Variants in DDR2 observed in about 807,000 individuals in gnomAD.
DDR2 encodes the protein discoidin domain-containing receptor 2.
In DDR2, 27 loss-of-function variants were observed where a neutral mutation model predicts 94.9. That is an observed-to-expected ratio of 0.28 (90% confidence interval 0.21 to 0.39). The LOEUF (loss-of-function observed/expected upper bound fraction) is 0.39. Ranked by LOEUF, DDR2 falls within the 10% of genes least tolerant of loss-of-function variation. DDR2 has a pLI of 1.00. For synonymous variants in DDR2, 382 were observed against 377.2 expected (o/e 1.01, Z -0.15); for missense variants, 783 against 1,076.0 (o/e 0.73, Z 3.81).
chr1:162,631,547 A>C (rs1235435769), upstream of DDR2: 1 of 152,022 alleles, frequency 6.6e-6, no homozygotes, highest in East Asian at 1.9e-4. Flanking sequence ...ATACTCACGG[A>C]GAATCAGGAC....
rs773104051 is a variant in DDR2 at position 162,770,319 on chromosome 1, G to T, written c.1311G>T (p.Leu437=). Residue 437 remains leucine (L), a synonymous_variant, in exon 12 of 18, where the codon CTG becomes CTT. Transcript: ENST00000367921. ...KMLEKASRRM[L]DDEMTVSLSL... The stretch of plus-strand genomic sequence containing the variant: ...TCTTCCAGGCTTCTCGGAGGATGCT[G>T]GATGATGAAATGACAGTCAGCCTTT... The T allele has an allele frequency of 1.9e-6, 3 of 1,614,010 alleles. No homozygotes were observed. The Admixed American group carries it at 5.0e-5, about 27-fold the overall frequency.
chr1:162,745,402 T>C (rs557763027), intron 3 of DDR2, among the ~76,000 whole-genome samples: 1 of 152,196 alleles, frequency 6.6e-6, no homozygotes, highest in East Asian at 1.9e-4. Flanking sequence ...CAAGAAATCA[T>C]TGCTTAGACC....
chr1:162,743,946 A>G (rs183536142), intron 3 of DDR2, among the ~76,000 whole-genome samples: 13 of 152,360 alleles, frequency 8.5e-5, no homozygotes, highest in African/African-American at 2.9e-4. Context: ...CTAAAGTTAC[A>G]TATAAATGGA....
At chr1:162,656,859 G>GTTTTTTTTTTTTT (rs200020368) in intron 2 of DDR2, among the ~76,000 whole-genome samples, 1 of 107,206 alleles carries the variant, frequency 9.3e-6, no homozygotes, top group Non-Finnish European at 1.8e-5. Context: ...TATTTTTTTT[G>GTTTTTTTTTTTTT]TTAACAGGGT....
chr1:162,646,983 T>C (rs7536942), intron 1 of DDR2, among the ~76,000 whole-genome samples: 10,737 of 152,226 alleles, frequency 0.071, 1,266 homozygotes, highest in African/African-American at 0.25. Flanking sequence ...ACTCACTAAA[T>C]GCTTGTCAAA....
intron 9 of DDR2, among the ~76,000 whole-genome samples, chr1:162,764,935 T>A (rs1351994479): frequency 6.6e-6 from 1 of 152,098 alleles, no homozygotes; most frequent in Non-Finnish European, 1.5e-5. Context: ...TAAGATGTAC[T>A]GATAAGAAAA....
At chr1:162,685,689 C>T (rs1571196444) in intron 2 of DDR2, among the ~76,000 whole-genome samples, 2 of 151,976 alleles carry the variant, frequency 1.3e-5, no homozygotes, top group Non-Finnish European at 2.9e-5. Flanking sequence ...GTTTTATCGA[C>T]GTACATACTG....
At chr1:162,634,661 G>C (rs188838218) in intron 1 of DDR2, among the ~76,000 whole-genome samples, 10 of 152,334 alleles carry the variant, frequency 6.6e-5, no homozygotes, top group African/African-American at 2.4e-4. Flanking sequence ...TGAGGGCTCT[G>C]TCTTAAATTC....
intron 3 of DDR2, among the ~76,000 whole-genome samples, chr1:162,747,799 C>T (rs554451467): frequency 1.3e-5 from 2 of 152,338 alleles, no homozygotes; most frequent in Non-Finnish European, 2.9e-5. Context: ...AATAGCGGAT[C>T]TCTCAGCAGA....
At chr1:162,711,799 TAC>T (rs1271893653) in intron 2 of DDR2, among the ~76,000 whole-genome samples, 6 of 140,726 alleles carry the variant, frequency 4.3e-5, no homozygotes, top group African/African-American at 5.4e-5. Context: ...CATACATATA[TAC>T]ACACACATGC....
At chr1:162,656,645 G>T (rs1419946913) in intron 2 of DDR2, among the ~76,000 whole-genome samples, 1 of 151,312 alleles carries the variant, frequency 6.6e-6, no homozygotes. Context: ...GAGTTAAGAG[G>T]TCTTAACTTG....
At chr1:162,715,587 C>A (rs1661129649) in intron 2 of DDR2, among the ~76,000 whole-genome samples, 1 of 152,080 alleles carries the variant, frequency 6.6e-6, no homozygotes, top group African/African-American at 2.4e-5. Flanking sequence ...TGATGATGAG[C>A]AAAAACAAAA....
rs897774430 is a variant in DDR2, at chr1:162,739,300, A to T, written c.83-13795A>T. Reference sequence around the variant, plus strand: ...AACCCCATCAAAAAGTGGGCAAAGGACATGAACAGACACTTCTCGTTTCTT... The same window carrying T: ...AACCCCATCAAAAAGTGGGCAAAGGTCATGAACAGACACTTCTCGTTTCTT... On this transcript the variant is annotated intron_variant, in intron 3 of 17. Transcript: ENST00000367921. Among the ~76,000 whole-genome samples, 54 of 152,056 alleles carry T rather than the reference A, an allele frequency of 3.6e-4. No homozygotes were observed. The Middle Eastern group carries it at 0.01, about 29-fold the overall frequency.
At chr1:162,692,647 A>G (rs1364830598) in intron 2 of DDR2, among the ~76,000 whole-genome samples, 1 of 152,258 alleles carries the variant, frequency 6.6e-6, no homozygotes, top group East Asian at 1.9e-4. Context: ...ATTACCAAGC[A>G]TTGTTGAAGA....
intron 2 of DDR2, among the ~76,000 whole-genome samples, chr1:162,665,763 A>G (rs1658519421): frequency 6.6e-6 from 1 of 152,176 alleles, no homozygotes; most frequent in Admixed American, 6.6e-5. Flanking sequence ...ATAAAGTCCA[A>G]TCTGTGATCC....
chr1:162,697,610 C>T (rs1171602126), intron 2 of DDR2, among the ~76,000 whole-genome samples: 1 of 152,128 alleles, frequency 6.6e-6, no homozygotes, highest in Non-Finnish European at 1.5e-5. Context: ...TAGTTGTGTA[C>T]TAGGGAGAGT....
rs182551502 is a variant in DDR2, at chr1:162,647,395, G to A, written c.-191-7816G>A. On this transcript the variant is annotated intron_variant, in intron 1 of 17. Coordinates refer to ENST00000367921, the MANE Select transcript of DDR2 (RefSeq NM_006182.4). ...TAAGGTCAATATGGATTTGTTACCG[G>A]CAAGGGGTCCCAATCTACACCCCAA... Among the ~76,000 whole-genome samples the A allele has an allele frequency of 7.6e-3, 1,161 of 152,208 alleles. 6 individuals carry two copies. The highest frequency in any genetic ancestry group is 0.013 in the Non-Finnish European group (856 of 68,004).
intron 2 of DDR2, among the ~76,000 whole-genome samples, chr1:162,716,975 G>T (rs568438137): frequency 3.3e-5 from 5 of 151,632 alleles, no homozygotes; most frequent in Non-Finnish European, 7.4e-5. Context: ...TTCTAATATT[G>T]CATCCAATGC....
intron 1 of DDR2, among the ~76,000 whole-genome samples, chr1:162,645,994 C>A (rs560480801): frequency 1.3e-5 from 2 of 152,282 alleles, no homozygotes; most frequent in South Asian, 4.2e-4. Context: ...CTGCTCACAG[C>A]GTGAAGATGG....
Sources: gnomAD v4.1 joint callset for allele counts (sites outside exome capture counted in the v4.1 genomes callset) on GRCh38, gnomAD v4.1.1 for gene constraint, MANE v1.5 for transcripts, NCBI Gene and HGNC (gene_info 2026-07-23, HGNC 2026-07-21) for gene names.